DGKK: variants seen among roughly 807,000 people sequenced by gnomAD.
The protein encoded by DGKK is diacylglycerol kinase kappa, also known as 142 kDa diacylglycerol kinase.
DGKK carries 35 observed loss-of-function variants against 92.2 expected under a neutral mutation model. That is an observed-to-expected ratio of 0.38 (90% confidence interval 0.29 to 0.50). DGKK has a LOEUF of 0.50. Among genes scored for constraint, DGKK ranks in the 20% least tolerant of loss-of-function variants. DGKK has a pLI of 0.92. For missense variants in DGKK, 910 were observed against 992.2 expected, an observed-to-expected ratio of 0.92 and a Z score of 1.11; for synonymous variants, 368 against 360.6, an observed-to-expected ratio of 1.02 and a Z score of -0.23.
At chrX:50,406,323 G>A (rs944052317) in intron 4 of DGKK, among the ~76,000 whole-genome samples, 1 of 112,092 alleles carries the variant, frequency 8.9e-6, no homozygotes, top group African/African-American at 3.2e-5. Flanking sequence ...AGAAAAAGTT[G>A]ATGCTTCCCA....
At chrX:50,423,460 A>T (rs934730588) in intron 2 of DGKK, among the ~76,000 whole-genome samples, 1 of 112,164 alleles carries the variant, frequency 8.9e-6, no homozygotes, top group African/African-American at 3.2e-5. Context: ...TTTCTAAGAA[A>T]TACAAAGAAC....
Position 50,407,465 on chromosome X carries a change from C to T in DGKK, c.943-3281G>A, listed in dbSNP as rs1925184974. Among the ~76,000 whole-genome samples, 4 of 110,154 alleles carry T rather than the reference C, an allele frequency of 3.6e-5. No homozygotes were observed. The South Asian group carries it at 1.2e-3, about 33-fold the overall frequency. ...GTGTACTCTTGTGGTTTTTCCTCAA[C>T]GTGTGCATGCAGAGAGAGAGAGAGA... On this transcript the variant is annotated intron_variant, in intron 4 of 27. Coordinates refer to ENST00000611977, the MANE Select transcript of DGKK (RefSeq NM_001013742.4).
At chrX:50,387,435 A>G (rs1360577387) in intron 14 of DGKK, 119 bp downstream of exon 14, 1 of 558,631 alleles carries the variant, frequency 1.8e-6, no homozygotes, top group African/African-American at 2.4e-5. Flanking sequence ...GGGAGGCTTA[A>G]CAGCTGCCCC....
intron 1 of DGKK, among the ~76,000 whole-genome samples, chrX:50,455,041 G>A (rs1224483119): frequency 8.9e-6 from 1 of 111,818 alleles, no homozygotes; most frequent in East Asian, 2.8e-4. Flanking sequence ...CATCCATTTT[G>A]TTCTTTCCAC....
chrX:50,397,667 AT>A (rs1924888997), intron 8 of DGKK, among the ~76,000 whole-genome samples: 1 of 111,673 alleles, frequency 9.0e-6, no homozygotes, highest in Admixed American at 9.5e-5. Context: ...GCACTTCACT[AT>A]TTTTTCTCCA....
chrX:50,386,541 C>T lies in DGKK; in HGVS notation c.2164G>A (p.Ala722Thr). ...GCAGAAGTAGCTGCTGCCTCCTCAG[C>T]CAGGACATCGATCAGGACACTGAGC... is the stretch of plus-strand genomic sequence containing the variant. ...DRLSVLIDVL[A>T]EEAAATSAEK... The change falls in exon 15 of 28, where the codon GCT becomes ACT. Residue 722 changes from alanine (A) to threonine (T), a missense_variant. Transcript: ENST00000611977. The T allele has an allele frequency of 8.3e-7, 1 of 1,210,878 alleles. No individual in the cohort carries two copies. The highest frequency in any genetic ancestry group is 2.2e-5 in the Admixed American group (1 of 45,906).
chrX:50,449,967 C>T (rs1296934545), intron 1 of DGKK, among the ~76,000 whole-genome samples: 1 of 111,770 alleles, frequency 8.9e-6, no homozygotes, highest in Non-Finnish European at 1.9e-5. Context: ...CATTGTTGTC[C>T]TTTATGCTGA....
rs782700589 is a variant in DGKK at position 50,440,418 on chromosome X, A to C, written c.646-16060T>G. 4.4e-4 allele frequency among the ~76,000 whole-genome samples: 49 copies of C among 111,935 alleles called. 1 individual carries two copies. Among genetic ancestry groups the C allele is most frequent in the Admixed American group, 9.5e-5 (1 of 10,503 alleles). ...TTTATCATACCAATGAGTAACATCT[A>C]TGACTTTACTGGACAGGACCTGGAA... is the stretch of plus-strand genomic sequence containing the variant. On this transcript the variant is annotated intron_variant, in intron 1 of 27. Coordinates refer to ENST00000611977, the MANE Select transcript of DGKK (RefSeq NM_001013742.4).
intron 8 of DGKK, among the ~76,000 whole-genome samples, chrX:50,399,810 T>G (rs1557226422): frequency 9.0e-6 from 1 of 111,633 alleles, no homozygotes; most frequent in South Asian, 3.8e-4. Flanking sequence ...TCTTTAATAA[T>G]GAGTAATGGG....
chrX:50,380,882 G>T lies in DGKK; in HGVS notation c.2658-805C>A, dbSNP rs781829141. 5.4e-5 allele frequency among the ~76,000 whole-genome samples: 6 copies of T among 111,472 alleles called. No individual in the cohort carries two copies. The East Asian group carries it at 1.7e-3, about 32-fold the overall frequency. On this transcript the variant is annotated intron_variant, in intron 18 of 27. Transcript: ENST00000611977. ...CACTGTTTAAACCATTCATTCTCTG[G>T]GCACTTTGGTGTTCTCATCTACAAA...
chrX:50,442,507 A>G (rs1180825504), intron 1 of DGKK, among the ~76,000 whole-genome samples: 5 of 110,801 alleles, frequency 4.5e-5, no homozygotes, highest in Admixed American at 1.9e-4. Context: ...CAAAAAACAA[A>G]ATGTGTGAAG....
At chrX:50,390,239 C>A in intron 12 of DGKK, 89 bp downstream of exon 12, 1 of 860,892 alleles carries the variant, frequency 1.2e-6, no homozygotes, top group Non-Finnish European at 1.7e-6. Flanking sequence ...CTCATCCATG[C>A]ACAATGCAAA....
At chrX:50,462,882 C>CTTTTTTTTT (rs548003185) in intron 1 of DGKK, among the ~76,000 whole-genome samples, 1 of 15,766 alleles carries the variant, frequency 6.3e-5, no homozygotes, top group African/African-American at 1.2e-4. Flanking sequence ...CCTTTCCTTG[C>CTTTTTTTTT]TTTTTTTTTT....
intron 1 of DGKK, among the ~76,000 whole-genome samples, chrX:50,452,551 T>C (rs1345829695): frequency 2.7e-5 from 3 of 111,790 alleles, no homozygotes; most frequent in Non-Finnish European, 5.6e-5. Context: ...GTGGCAGAGA[T>C]GGAAGCACAG....
chrX:50,405,306 G>A (rs1309271728), intron 4 of DGKK, among the ~76,000 whole-genome samples: 1 of 111,008 alleles, frequency 9.0e-6, no homozygotes, highest in Non-Finnish European at 1.9e-5. Flanking sequence ...GAGATTGAAA[G>A]AAGGGAAGGG....
At chrX:50,425,377 T>C (rs1347155731) in intron 1 of DGKK, among the ~76,000 whole-genome samples, 1 of 111,034 alleles carries the variant, frequency 9.0e-6, no homozygotes, top group Non-Finnish European at 1.9e-5. Flanking sequence ...TTAGAACATC[T>C]GGTAACATTG....
chrX:50,415,567 A>G (rs781790540), intron 4 of DGKK, among the ~76,000 whole-genome samples: 1 of 111,871 alleles, frequency 8.9e-6, no homozygotes, highest in African/African-American at 3.2e-5. Context: ...TTGCTTTTGC[A>G]CCATTGTAAA....
intron 1 of DGKK, among the ~76,000 whole-genome samples, chrX:50,455,347 T>A (rs895907803): frequency 8.9e-6 from 1 of 112,322 alleles, no homozygotes; most frequent in African/African-American, 3.2e-5. Context: ...TCTCTATTTA[T>A]CTGTCTATCA....
chrX:50,378,283 T>C, intron 21 of DGKK, 51 bp from the exon 22 acceptor site: 1 of 1,163,551 alleles, frequency 8.6e-7, no homozygotes, highest in Non-Finnish European at 1.2e-6. Context: ...GCAACTGCTG[T>C]AACTCTATCT....
Sources: allele counts gnomAD v4.1 joint callset (sites outside exome capture counted in the v4.1 genomes callset), GRCh38; gene constraint gnomAD v4.1.1; transcripts MANE v1.5; gene names NCBI Gene and HGNC (gene_info 2026-07-23, HGNC 2026-07-21).